Variants in LIPA observed in about 807,000 individuals in gnomAD.
The protein encoded by LIPA is lysosomal acid lipase/cholesteryl ester hydrolase.
In LIPA, 26 loss-of-function variants were observed where a neutral mutation model predicts 40.6. The observed-to-expected ratio is 0.64, with a 90% CI of 0.47 to 0.89. LIPA has a LOEUF of 0.89. LIPA is among the 40% of genes least tolerant of loss of function. The pLI, the probability that LIPA is intolerant of heterozygous loss-of-function variation, is 0.00. For synonymous variants in LIPA, 188 were observed against 168.4 expected (o/e 1.12, Z -0.90); for missense variants, 455 against 479.6 (o/e 0.95, Z 0.48).
chr10:89,310,023 A>G (rs1218710951), intron 1 of LIPA, among the ~76,000 whole-genome samples: 2 of 152,170 alleles, frequency 1.3e-5, no homozygotes, highest in South Asian at 2.1e-4. Flanking sequence ...CATATCCATC[A>G]ATGACCATTG....
chr10:89,267,866 G>A (rs534501230), intron 1 of LIPA, among the ~76,000 whole-genome samples: 4 of 152,082 alleles, frequency 2.6e-5, no homozygotes, highest in South Asian at 2.1e-4. Flanking sequence ...CACTGGAACC[G>A]GCAAGTATAG....
chr10:89,306,587 C>T (rs373733464), intron 1 of LIPA: 1 of 1,614,082 alleles, frequency 6.2e-7, no homozygotes, highest in Non-Finnish European at 8.5e-7. Flanking sequence ...CAACCAGTAC[C>T]TTAAAGTCCT....
intron 1 of LIPA, among the ~76,000 whole-genome samples, chr10:89,271,446 A>G (rs1843265237): frequency 6.6e-6 from 1 of 152,212 alleles, no homozygotes; most frequent in African/African-American, 2.4e-5. Flanking sequence ...TGTACTCCTT[A>G]TGCTAATTAA....
At chr10:89,300,040 G>A (rs1843436106) in intron 1 of LIPA, among the ~76,000 whole-genome samples, 1 of 152,014 alleles carries the variant, frequency 6.6e-6, no homozygotes, top group African/African-American at 2.4e-5. Flanking sequence ...TGAACAAATG[G>A]ATAAAGAAAA....
intron 5 of LIPA, 143 bp from the exon 6 acceptor site, chr10:89,225,371 T>G: frequency 1.1e-6 from 1 of 948,742 alleles, no homozygotes; most frequent in Non-Finnish European, 1.7e-6. Context: ...CCAAAACACT[T>G]GACATGGGGC....
intron 1 of LIPA, among the ~76,000 whole-genome samples, chr10:89,333,728 G>A (rs779458514): frequency 4.6e-5 from 7 of 152,190 alleles, no homozygotes; most frequent in Non-Finnish European, 1.0e-4. Context: ...ATTTAAGTAT[G>A]AGAAACTGGT....
chr10:89,381,039 C>T (rs756759733), intron 2 of LIPA, among the ~76,000 whole-genome samples: 1 of 152,142 alleles, frequency 6.6e-6, no homozygotes, highest in Non-Finnish European at 1.5e-5. Context: ...CTTTTTTCCA[C>T]CTATCAATGC....
At chr10:89,342,504 T>TTA (rs1464012504) in intron 1 of LIPA, 67 of 152,238 alleles carry the variant, frequency 4.4e-4, no homozygotes, top group African/African-American at 1.6e-3. Context: ...GAAATACAAT[T>TTA]CCTGGGTTAA....
intron 6 of LIPA, among the ~76,000 whole-genome samples, chr10:89,224,239 C>T (rs1448187297): frequency 6.6e-6 from 1 of 152,206 alleles, no homozygotes; most frequent in Non-Finnish European, 1.5e-5. Context: ...CCATCTAATT[C>T]AATGCTACTG....
At chr10:89,362,085 G>A (rs1181873672) in intron 2 of LIPA, among the ~76,000 whole-genome samples, 1 of 151,312 alleles carries the variant, frequency 6.6e-6, no homozygotes, top group Non-Finnish European at 1.5e-5. Flanking sequence ...TGCATTTTTT[G>A]TAGAGCTAGA....
intron 1 of LIPA, among the ~76,000 whole-genome samples, chr10:89,321,776 T>G (rs1349842346): frequency 6.6e-6 from 1 of 152,214 alleles, no homozygotes; most frequent in Non-Finnish European, 1.5e-5. Context: ...ACACGTATGT[T>G]TATTGCAGCA....
At chr10:89,357,379 GA>G (rs746003340) in intron 2 of LIPA, among the ~76,000 whole-genome samples, 94 of 152,326 alleles carry the variant, frequency 6.2e-4, no homozygotes, top group Non-Finnish European at 9.6e-4. Context: ...AAGAAACTAT[GA>G]GGTCAACCTC....
chr10:89,245,005 T>C (rs1405747301), intron 3 of LIPA, among the ~76,000 whole-genome samples: 2 of 152,154 alleles, frequency 1.3e-5, no homozygotes, highest in African/African-American at 4.8e-5. Flanking sequence ...AGCACAAATA[T>C]GCATTAATAG....
chr10:89,276,554 T>G (rs746655251), intron 1 of LIPA, among the ~76,000 whole-genome samples: 1 of 152,226 alleles, frequency 6.6e-6, no homozygotes, highest in Non-Finnish European at 1.5e-5. Flanking sequence ...ATAAGAGCTG[T>G]AAAACTGTAC....
At chr10:89,410,421 C>T (rs986080391) in intron 2 of LIPA, among the ~76,000 whole-genome samples, 3 of 152,198 alleles carry the variant, frequency 2.0e-5, no homozygotes, top group African/African-American at 4.8e-5. Context: ...TTATGCTGCC[C>T]GAGATGATCC....
intron 3 of LIPA, among the ~76,000 whole-genome samples, chr10:89,245,089 A>G (rs948232931): frequency 6.6e-6 from 1 of 152,212 alleles, no homozygotes; most frequent in African/African-American, 2.4e-5. Flanking sequence ...TGCTTTATGT[A>G]TTGTATGGAA....
intron 1 of LIPA, among the ~76,000 whole-genome samples, chr10:89,292,812 CT>C (rs376717872): frequency 0.062 from 9,063 of 145,152 alleles, 284 homozygotes; most frequent in Admixed American, 0.11. Context: ...TGCCTGGCTA[CT>C]TTTTTTTTTT....
chr10:89,390,578 T>C (rs1844238802), intron 2 of LIPA, among the ~76,000 whole-genome samples: 1 of 152,186 alleles, frequency 6.6e-6, no homozygotes, highest in Non-Finnish European at 1.5e-5. Context: ...TGTTTGATCC[T>C]CTCTGGTTCC....
rs559754188 is a variant in LIPA, at chr10:89,248,569, G to C, written c.-1-920C>G. On this transcript the variant is annotated intron_variant, in intron 1 of 9. Coordinates refer to ENST00000336233, the MANE Select transcript of LIPA (RefSeq NM_000235.4). Reference sequence around the variant, plus strand: ...GGCTCACTGCAAGCTCCGCCTCCCAGGTTCAGGCCATTCTCCTGCCTCAGA... The same window carrying C: ...GGCTCACTGCAAGCTCCGCCTCCCACGTTCAGGCCATTCTCCTGCCTCAGA... 3.7e-4 allele frequency among the ~76,000 whole-genome samples: 56 copies of C among 150,822 alleles called. No individual in the cohort carries two copies. In the South Asian group the frequency reaches 6.5e-3, roughly 17 times the overall value.
Sources: allele counts gnomAD v4.1 joint callset (sites outside exome capture counted in the v4.1 genomes callset), GRCh38; gene constraint gnomAD v4.1.1; transcripts MANE v1.5; gene names NCBI Gene and HGNC (gene_info 2026-07-23, HGNC 2026-07-21).